The following CHL1 variants were observed in gnomAD, a reference collection of about 807,000 sequenced individuals.
CHL1 encodes the protein cell adhesion molecule L1 like, also known as neural cell adhesion molecule L1-like protein.
A neutral mutation model predicts 141.9 loss-of-function variants in CHL1; 96 were observed. That is an observed-to-expected ratio of 0.68 (90% CI 0.57 to 0.80). The LOEUF (loss-of-function observed/expected upper bound fraction) is 0.80, where lower values mean the gene tolerates loss of function less well. Among genes scored for constraint, CHL1 ranks in the 30% least tolerant of loss-of-function variants. CHL1 has a pLI of 0.00. For missense variants in CHL1, 1,820 were observed against 1,457.2 expected (o/e 1.25, Z -4.05); for synonymous variants, 613 against 502.2 (o/e 1.22, Z -2.95).
chr3:276,854 A>T (rs540837481), intron 2 of CHL1, among the ~76,000 whole-genome samples: 1 of 136,198 alleles, frequency 7.3e-6, no homozygotes. Flanking sequence ...ATGCCACTGC[A>T]CTCCAGCCTG....
intron 2 of CHL1, among the ~76,000 whole-genome samples, chr3:318,803 C>G (rs2125029511): frequency 6.6e-6 from 1 of 151,392 alleles, no homozygotes; most frequent in Non-Finnish European, 1.5e-5. Flanking sequence ...AGCTATTTCA[C>G]CGGAAAAATC....
intron 2 of CHL1, among the ~76,000 whole-genome samples, chr3:281,623 A>T (rs1180306537): frequency 6.7e-6 from 1 of 150,262 alleles, no homozygotes; most frequent in African/African-American, 2.5e-5. Context: ...GCAGTGGCAC[A>T]ATCTCAGCTT....
At chr3:315,285 C>A (rs950088018) in intron 2 of CHL1, among the ~76,000 whole-genome samples, 1 of 152,156 alleles carries the variant, frequency 6.6e-6, no homozygotes, top group African/African-American at 2.4e-5. Context: ...CTGCCCACAG[C>A]CATCTAGCAA....
rs1436466226 is a variant in CHL1 at position 398,868 on chromosome 3, A to C, written c.3254-149A>C. ...GATTTACCAGTATTCTCCCATTAAC[A>C]TGTCCTTCAAATTGCATTCCTTCTG... On this transcript the variant is annotated intron_variant, in intron 25 of 27. Coordinates refer to ENST00000256509, the MANE Select transcript of CHL1 (RefSeq NM_006614.4). The C allele has an allele frequency of 9.8e-6, 6 of 614,518 alleles. No homozygotes were observed. In the Admixed American group the frequency reaches 1.6e-4, roughly 17 times the overall value. The allele number at this position is 614,518 out of a possible 1,614,324, so 38.1% of individuals were successfully genotyped here.
At chr3:242,411 A>C (rs554829955) in intron 1 of CHL1, among the ~76,000 whole-genome samples, 1 of 139,974 alleles carries the variant, frequency 7.1e-6, no homozygotes, top group Non-Finnish European at 1.5e-5. Context: ...CCTGGCTAAC[A>C]CGGTGAAACC....
intron 2 of CHL1, among the ~76,000 whole-genome samples, chr3:294,911 T>C (rs1331244746): frequency 1.3e-5 from 2 of 152,220 alleles, no homozygotes; most frequent in Non-Finnish European, 2.9e-5. Flanking sequence ...TTATTGAATG[T>C]TTACTATGTG....
chr3:263,136 C>T (rs564494165), intron 2 of CHL1, among the ~76,000 whole-genome samples: 13 of 152,194 alleles, frequency 8.5e-5, no homozygotes, highest in Non-Finnish European at 1.6e-4. Context: ...AACTGAAATC[C>T]AGATGTGCCA....
intron 1 of CHL1, among the ~76,000 whole-genome samples, chr3:208,298 C>T (rs899285091): frequency 1.4e-5 from 2 of 147,716 alleles, no homozygotes; most frequent in Non-Finnish European, 1.5e-5. Context: ...CTTAAAAACC[C>T]ATTACTGTAT....
rs1701156102 is a variant in CHL1 at position 328,188 on chromosome 3, C to T, written c.219C>T (p.Gly73=). Residue 73 remains glycine, a synonymous_variant, in exon 5 of 28, where the codon GGC becomes GGT. Coordinates refer to ENST00000256509, the MANE Select transcript of CHL1 (RefSeq NM_006614.4). The part of the protein sequence containing the change: ...PEPTFSWTKD[G]NPFYFTDHRI... ...TTAGATTTTCGTGGACTAAGGATGG[C>T]AACCCTTTTTATTTCACTGACCATC... is the stretch of plus-strand genomic sequence containing the variant. The T allele has an allele frequency of 2.5e-6, 4 of 1,605,774 alleles. No homozygotes were observed. The highest frequency in any genetic ancestry group is 2.7e-5 in the African/African-American group (2 of 74,534).
intron 2 of CHL1, among the ~76,000 whole-genome samples, chr3:271,447 C>T (rs1009581644): frequency 6.6e-6 from 1 of 152,112 alleles, no homozygotes; most frequent in Non-Finnish European, 1.5e-5. Context: ...TCAAAAAAAT[C>T]ATTGCACTTT....
intron 2 of CHL1, among the ~76,000 whole-genome samples, chr3:312,720 C>G (rs1699850358): frequency 3.3e-5 from 5 of 152,168 alleles, no homozygotes; most frequent in Non-Finnish European, 7.4e-5. Flanking sequence ...ATGAAAATGT[C>G]AAATGGCTTT....
intron 2 of CHL1, among the ~76,000 whole-genome samples, chr3:289,048 G>A (rs1045011446): frequency 5.9e-5 from 9 of 152,138 alleles, no homozygotes; most frequent in Non-Finnish European, 2.9e-5. Flanking sequence ...TGCGAAGGGT[G>A]ATCAAGGAGA....
chr3:290,721 T>C (rs895147947), intron 2 of CHL1, among the ~76,000 whole-genome samples: 6 of 152,068 alleles, frequency 3.9e-5, no homozygotes, highest in African/African-American at 1.4e-4. Context: ...ATGGAATTGC[T>C]GAGAACATCA....
At chr3:316,971 G>A (rs1007994199) in intron 2 of CHL1, among the ~76,000 whole-genome samples, 1 of 151,932 alleles carries the variant, frequency 6.6e-6, no homozygotes, top group Non-Finnish European at 1.5e-5. Flanking sequence ...TACCCTTTAT[G>A]AATTCTGGCA....
intron 5 of CHL1, among the ~76,000 whole-genome samples, chr3:337,457 G>A (rs1027756709): frequency 7.2e-5 from 11 of 151,956 alleles, no homozygotes; most frequent in Non-Finnish European, 8.8e-5. Flanking sequence ...ATGCTGGTGT[G>A]CTGCACCCAT....
intron 2 of CHL1, among the ~76,000 whole-genome samples, chr3:278,391 T>G (rs1016126050): frequency 6.6e-6 from 1 of 152,212 alleles, no homozygotes; most frequent in Non-Finnish European, 1.5e-5. Context: ...AGCTGTCATG[T>G]TTGGAAAATA....
intron 1 of CHL1, among the ~76,000 whole-genome samples, chr3:203,683 G>A (rs571026820): frequency 1.1e-4 from 17 of 152,300 alleles, no homozygotes; most frequent in Non-Finnish European, 1.6e-4. Flanking sequence ...GGGCTGTCAC[G>A]TGGGACCTAT....
At chr3:290,307 G>A (rs1697568956) in intron 2 of CHL1, among the ~76,000 whole-genome samples, 1 of 152,092 alleles carries the variant, frequency 6.6e-6, no homozygotes, top group African/African-American at 2.4e-5. Flanking sequence ...CTCAAATTTT[G>A]TGATTCTCTG....
At chr3:204,993 T>C (rs1699279758) in intron 1 of CHL1, among the ~76,000 whole-genome samples, 1 of 152,204 alleles carries the variant, frequency 6.6e-6, no homozygotes, top group Non-Finnish European at 1.5e-5. Flanking sequence ...CCACACTGCC[T>C]ACAGTAGTGA....
Sources: gnomAD v4.1 joint callset for allele counts (sites outside exome capture counted in the v4.1 genomes callset) on GRCh38, gnomAD v4.1.1 for gene constraint, MANE v1.5 for transcripts, NCBI Gene and HGNC (gene_info 2026-07-23, HGNC 2026-07-21) for gene names.